Variants in PRKN observed in about 807,000 individuals in gnomAD.
PRKN encodes the protein E3 ubiquitin-protein ligase parkin.
Under a neutral mutation model 59.5 loss-of-function variants are expected in PRKN, and 56 were observed. The observed-to-expected ratio is 0.94, with a 90% CI of 0.76 to 1.18. The LOEUF is 1.18. Ranked by LOEUF, PRKN falls within the 50% of genes most tolerant of loss-of-function variation. PRKN has a pLI of 0.00. For missense variants in PRKN, 657 were observed against 596.4 expected, an observed-to-expected ratio of 1.10 and a Z score of -1.06; for synonymous variants, 250 against 222.1, an observed-to-expected ratio of 1.13 and a Z score of -1.12.
intron 4 of PRKN, among the ~76,000 whole-genome samples, chr6:162,165,658 G>A (rs1782944180): frequency 6.7e-6 from 1 of 149,344 alleles, no homozygotes; most frequent in Non-Finnish European, 1.5e-5. Flanking sequence ...TAATGCTCAT[G>A]AAGAGTCAGA....
chr6:161,714,930 G>T (rs1786908617), intron 7 of PRKN, among the ~76,000 whole-genome samples: 1 of 152,148 alleles, frequency 6.6e-6, no homozygotes. Flanking sequence ...TAAACTTCCA[G>T]ATGCCTGCAC....
intron 7 of PRKN, among the ~76,000 whole-genome samples, chr6:161,624,110 T>C (rs1274524480): frequency 6.6e-6 from 1 of 152,220 alleles, no homozygotes; most frequent in African/African-American, 2.4e-5. Context: ...TAAATAAAAC[T>C]GTTAATATTT....
chr6:162,329,299 A>C (rs1783466217), intron 2 of PRKN, among the ~76,000 whole-genome samples: 2 of 151,982 alleles, frequency 1.3e-5, no homozygotes, highest in Non-Finnish European at 2.9e-5. Context: ...GACCCTCAAA[A>C]GCAGTGGACG....
At chr6:161,648,974 C>A (rs912294760) in intron 7 of PRKN, among the ~76,000 whole-genome samples, 1 of 152,174 alleles carries the variant, frequency 6.6e-6, no homozygotes, top group African/African-American at 2.4e-5. Flanking sequence ...ACATATATGA[C>A]TTTCTTCAGG....
chr6:162,281,544 C>A (rs1198295754), intron 2 of PRKN, among the ~76,000 whole-genome samples: 2 of 152,072 alleles, frequency 1.3e-5, no homozygotes, highest in Non-Finnish European at 2.9e-5. Context: ...ACATAGCTTA[C>A]AAACTGACCT....
intron 2 of PRKN, among the ~76,000 whole-genome samples, chr6:162,335,180 CT>C (rs1402849607): frequency 1.3e-5 from 2 of 148,896 alleles, no homozygotes; most frequent in Non-Finnish European, 3.0e-5. Context: ...CGTTTGGCTA[CT>C]TTTTTTCTTT....
Position 161,466,990 on chromosome 6 carries a change from C to T in PRKN, c.1084-80113G>A, listed in dbSNP as rs994188934. The stretch of plus-strand genomic sequence containing the variant: ...TCATCAAGAGGTTCCTGTCTAGATT[C>T]GCGTCCTTATATACAAGCCAACTTC... On this transcript the variant is annotated intron_variant, in intron 9 of 11. Coordinates refer to ENST00000366898, the MANE Select transcript of PRKN (RefSeq NM_004562.3). This position sits in a 1 kb window ranked among gnomAD's most constrained non-coding sequence, Gnocchi z 5.0. 2.6e-5 allele frequency among the ~76,000 whole-genome samples: 4 copies of T among 152,152 alleles called. No homozygotes were observed. Among genetic ancestry groups the T allele is most frequent in the Admixed American group, 6.5e-5 (1 of 15,282 alleles).
intron 1 of PRKN, chr6:162,624,387 A>G (rs1447558062): frequency 6.6e-6 from 1 of 152,238 alleles, no homozygotes; most frequent in African/African-American, 2.4e-5. Context: ...TTAAATAAAA[A>G]TTATTCCATT....
rs1483466564 is a variant in PRKN, at chr6:161,355,701, C to G, written c.1285+4387G>C. 6.6e-6 allele frequency among the ~76,000 whole-genome samples: 1 copy of G among 152,068 alleles called. No individual in the cohort carries two copies. Among genetic ancestry groups the G allele is most frequent in the Non-Finnish European group, 1.5e-5 (1 of 67,930 alleles). ...GATTACAGGCGTGAGTCACCACGCC[C>G]GGCCTACAAGCTAAGTTTTAATTCA... On this transcript the variant is annotated intron_variant, in intron 11 of 11. Coordinates refer to ENST00000366898, the MANE Select transcript of PRKN (RefSeq NM_004562.3). The surrounding 1 kb of genome is among the most constrained non-coding windows in gnomAD (Gnocchi z 6.8).
chr6:162,563,376 T>C (rs1464403145), intron 1 of PRKN, among the ~76,000 whole-genome samples: 1 of 151,564 alleles, frequency 6.6e-6, no homozygotes, highest in African/African-American at 2.4e-5. Flanking sequence ...CTCTGTCTGG[T>C]AATCAAGAGA....
intron 6 of PRKN, among the ~76,000 whole-genome samples, chr6:161,881,280 G>C (rs1168932408): frequency 1.3e-5 from 2 of 152,170 alleles, no homozygotes; most frequent in African/African-American, 4.8e-5. Context: ...ATCCAATCCG[G>C]GTTTGCCAGG....
Position 162,409,337 on chromosome 6 carries a change from T to C in PRKN, c.171+33973A>G, listed in dbSNP as rs77340882. ...GCTCTACCATGCCTGCCATATTTTTTTTTGAGAGGGGGTCTCACTATGTTG... is the reference window on the plus strand; with the variant it reads ...GCTCTACCATGCCTGCCATATTTTTCTTTGAGAGGGGGTCTCACTATGTTG... On this transcript the variant is annotated intron_variant, in intron 2 of 11. Transcript: ENST00000366898. 6.2e-3 allele frequency among the ~76,000 whole-genome samples: 948 copies of C among 152,040 alleles called. 7 individuals carry two copies. Among genetic ancestry groups the C allele is most frequent in the African/African-American group, 0.019 (789 of 41,484 alleles).
chr6:161,974,349 C>T (rs1036425230), intron 5 of PRKN, among the ~76,000 whole-genome samples: 12 of 152,168 alleles, frequency 7.9e-5, no homozygotes, highest in Non-Finnish European at 7.3e-5. Flanking sequence ...AAGACTCTGC[C>T]GCCCACCCTC....
At chr6:162,360,538 C>CT (rs1785089940) in intron 2 of PRKN, among the ~76,000 whole-genome samples, 1 of 152,100 alleles carries the variant, frequency 6.6e-6, no homozygotes, top group Admixed American at 6.6e-5. Context: ...ATCTTTTCTT[C>CT]TTTTTTAAAT....
At chr6:162,521,314 C>T (rs746482976) in intron 1 of PRKN, among the ~76,000 whole-genome samples, 3 of 152,184 alleles carry the variant, frequency 2.0e-5, no homozygotes, top group Non-Finnish European at 4.4e-5. Context: ...AGAGGGCAGA[C>T]TCTAGCTAGT....
At chr6:162,456,190 T>C (rs550293376) in intron 1 of PRKN, among the ~76,000 whole-genome samples, 54 of 152,286 alleles carry the variant, frequency 3.5e-4, no homozygotes, top group Non-Finnish European at 5.7e-4. Context: ...AACACGGGCT[T>C]ACACCCATAA....
chr6:162,446,056 A>C (rs985266414), intron 1 of PRKN, among the ~76,000 whole-genome samples: 5 of 152,194 alleles, frequency 3.3e-5, no homozygotes, highest in Admixed American at 3.3e-4. Context: ...ATTACGGAGG[A>C]AAAGGTGCTT....
chr6:161,406,827 C>A (rs1583027893), intron 9 of PRKN, among the ~76,000 whole-genome samples: 2 of 152,166 alleles, frequency 1.3e-5, no homozygotes, highest in South Asian at 4.1e-4. Context: ...ATTTGCAAAT[C>A]TGTAAGCATT....
At chr6:162,691,637 T>C (rs1777778951) in intron 1 of PRKN, among the ~76,000 whole-genome samples, 1 of 152,234 alleles carries the variant, frequency 6.6e-6, no homozygotes, top group African/African-American at 2.4e-5. Context: ...AATTCTTGCT[T>C]TGAAAAAATT....
Sources: gnomAD v4.1 joint callset for allele counts (sites outside exome capture counted in the v4.1 genomes callset) on GRCh38, gnomAD v4.1.1 for gene constraint, Gnocchi (gnomAD v3.1) non-coding constraint, MANE v1.5 for transcripts, NCBI Gene and HGNC (gene_info 2026-07-23, HGNC 2026-07-21) for gene names.